Variants in PCBP3 observed in about 807,000 individuals in gnomAD.
The protein encoded by PCBP3 is poly(rC) binding protein 3, also known as poly(rC)-binding protein 3.
In PCBP3, 25 loss-of-function variants were observed where a neutral mutation model predicts 52.7. The ratio of observed to expected loss-of-function variants is 0.47; its 90% CI spans 0.35 to 0.66. The LOEUF is 0.66. Ranked by LOEUF, PCBP3 falls within the 30% of genes least tolerant of loss-of-function variation. The probability of loss-of-function intolerance (pLI) is 0.01; values close to 1 mark genes in which losing one functional copy is unlikely to be tolerated. For synonymous variants in PCBP3, 162 were observed against 183.0 expected (o/e 0.89, Z 0.93); for missense variants, 391 against 490.3 (o/e 0.80, Z 1.91).
At chr21:45,739,033 T>A (rs1250429134) in intron 3 of PCBP3, among the ~76,000 whole-genome samples, 5 of 88,558 alleles carry the variant, frequency 5.6e-5, no homozygotes, top group African/African-American at 4.6e-5. Context: ...ACCATCTTCA[T>A]CAGCCCACCC....
At chr21:45,874,191 C>A (rs999633216) in intron 5 of PCBP3, among the ~76,000 whole-genome samples, 1 of 152,244 alleles carries the variant, frequency 6.6e-6, no homozygotes, top group African/African-American at 2.4e-5. Flanking sequence ...GTCTAGATCT[C>A]TAGTAAAATA....
At chr21:45,819,063 G>A (rs764726708) in intron 4 of PCBP3, among the ~76,000 whole-genome samples, 56 of 152,200 alleles carry the variant, frequency 3.7e-4, no homozygotes, top group Admixed American at 1.7e-3. Context: ...AAAATACTCC[G>A]GGTGATGCTG....
chr21:45,652,570 T>C (rs1569077513), intron 1 of PCBP3, among the ~76,000 whole-genome samples: 1 of 151,712 alleles, frequency 6.6e-6, no homozygotes, highest in Non-Finnish European at 1.5e-5. Flanking sequence ...GGCTCCAGAG[T>C]AGCTGGGATT....
At chr21:45,815,440 C>CAGTGGTG (rs1175549716) in intron 4 of PCBP3, among the ~76,000 whole-genome samples, 2 of 15,078 alleles carry the variant, frequency 1.3e-4, no homozygotes, top group African/African-American at 3.3e-4. Flanking sequence ...AGTGGTGAGT[C>CAGTGGTG]AGTGGTGAGT....
At chr21:45,826,350 T>C (rs1347831402) in intron 4 of PCBP3, among the ~76,000 whole-genome samples, 3 of 152,184 alleles carry the variant, frequency 2.0e-5, no homozygotes, top group Non-Finnish European at 4.4e-5. Flanking sequence ...GGTTCAACTT[T>C]CCTGTTAAAA....
At chr21:45,798,724 A>C (rs1273457187) in intron 4 of PCBP3, among the ~76,000 whole-genome samples, 4 of 151,808 alleles carry the variant, frequency 2.6e-5, no homozygotes, top group Non-Finnish European at 5.9e-5. Context: ...GGATGTGTAC[A>C]TGGATGAATG....
rs562389652 is a variant in PCBP3, at chr21:45,889,645, T to C, written c.11-6563T>C. The stretch of plus-strand genomic sequence containing the variant: ...GCGGGGAGCTTCAGGCCTGGCTGCG[T>C]CTTTCCCTAGCTTGGGGACCTTTGA... On this transcript the variant is annotated intron_variant, in intron 5 of 17. Coordinates refer to ENST00000681687, the MANE Select transcript of PCBP3 (RefSeq NM_001384156.1). Among the ~76,000 whole-genome samples the C allele has an allele frequency of 3.7e-3, 562 of 152,304 alleles. 4 individuals are homozygous for C. The highest frequency in any genetic ancestry group is 0.013 in the African/African-American group (546 of 41,560).
Position 45,685,683 on chromosome 21 carries a change from A to G in PCBP3, c.-200+16731A>G, listed in dbSNP as rs80069904. 2.0e-3 allele frequency among the ~76,000 whole-genome samples: 298 copies of G among 152,324 alleles called. 1 individual carries two copies. Among genetic ancestry groups the G allele is most frequent in the African/African-American group, 6.9e-3 (285 of 41,566 alleles). On this transcript the variant is annotated intron_variant, in intron 2 of 17. Transcript: ENST00000681687. ...GGGAATATAAGCAGAGCCTTACAGC[A>G]TAACTGAGTTGGTGAAACATAAAAG...
chr21:45,806,622 C>T (rs1017717665), intron 4 of PCBP3, among the ~76,000 whole-genome samples: 4 of 152,070 alleles, frequency 2.6e-5, no homozygotes, highest in Non-Finnish European at 5.9e-5. Context: ...GGTATTTCAT[C>T]GTTCTTTTTT....
intron 5 of PCBP3, among the ~76,000 whole-genome samples, chr21:45,855,303 G>A (rs771219896): frequency 2.6e-5 from 4 of 152,128 alleles, no homozygotes; most frequent in African/African-American, 7.2e-5. Flanking sequence ...CAGCACAGAC[G>A]CAGGCTCCGG....
intron 5 of PCBP3, among the ~76,000 whole-genome samples, chr21:45,870,398 T>C (rs968397993): frequency 6.6e-6 from 1 of 152,228 alleles, no homozygotes; most frequent in Non-Finnish European, 1.5e-5. Flanking sequence ...TGATGACGAA[T>C]GAGTCTCCTA....
chr21:45,786,714 T>C (rs1357086420), intron 4 of PCBP3, among the ~76,000 whole-genome samples: 1 of 152,200 alleles, frequency 6.6e-6, no homozygotes, highest in African/African-American at 2.4e-5. Flanking sequence ...GTTCCTGTTG[T>C]TTAGTAATTG....
chr21:45,780,181 TTGTGACCG>T (rs1236543347), intron 4 of PCBP3, among the ~76,000 whole-genome samples: 5 of 152,242 alleles, frequency 3.3e-5, no homozygotes, highest in Non-Finnish European at 5.9e-5. Flanking sequence ...GAGGCGTTCT[TTGTGACCG>T]TGTGATCTTG....
At chr21:45,733,512 C>T (rs927548127) in intron 2 of PCBP3, among the ~76,000 whole-genome samples, 5 of 151,968 alleles carry the variant, frequency 3.3e-5, no homozygotes, top group African/African-American at 7.3e-5. Context: ...AGGATGGTCT[C>T]GATCTCCTGA....
intron 5 of PCBP3, among the ~76,000 whole-genome samples, chr21:45,859,433 A>G (rs2094432432): frequency 6.6e-6 from 1 of 151,668 alleles, no homozygotes; most frequent in African/African-American, 2.4e-5. Flanking sequence ...TCCATTTCAC[A>G]CTCTCCCCAT....
At chr21:45,742,847 T>C (rs1038672447) in intron 3 of PCBP3, among the ~76,000 whole-genome samples, 1 of 152,220 alleles carries the variant, frequency 6.6e-6, no homozygotes, top group Admixed American at 6.5e-5. Flanking sequence ...CACGATATAT[T>C]TCCATATCTG....
chr21:45,799,221 G>A (rs1365675170), intron 4 of PCBP3, among the ~76,000 whole-genome samples: 2 of 152,226 alleles, frequency 1.3e-5, no homozygotes, highest in African/African-American at 4.8e-5. Context: ...TAAAGGATAT[G>A]TAGATGTTCT....
chr21:45,898,259 T>G (rs2095882251), intron 6 of PCBP3, among the ~76,000 whole-genome samples: 1 of 152,078 alleles, frequency 6.6e-6, no homozygotes, highest in Non-Finnish European at 1.5e-5. Flanking sequence ...CCCCTCCCTG[T>G]GTCCAGTGTC....
chr21:45,863,435 C>T (rs1028892561), intron 5 of PCBP3, among the ~76,000 whole-genome samples: 2 of 152,180 alleles, frequency 1.3e-5, no homozygotes, highest in East Asian at 1.9e-4. Flanking sequence ...CTGCTGCGGC[C>T]GTGTGTCCTA....
Sources: gnomAD v4.1 joint callset for allele counts (sites outside exome capture counted in the v4.1 genomes callset) on GRCh38, gnomAD v4.1.1 for gene constraint, MANE v1.5 for transcripts, NCBI Gene and HGNC (gene_info 2026-07-23, HGNC 2026-07-21) for gene names.